CLYBL: variants seen among roughly 807,000 people sequenced by gnomAD.
The protein encoded by CLYBL is citramalyl-CoA lyase, also known as citramalyl-CoA lyase, mitochondrial.
A neutral mutation model predicts 38.9 loss-of-function variants in CLYBL; 31 were observed. That is an observed-to-expected ratio of 0.80 (90% CI 0.60 to 1.08). CLYBL has a LOEUF of 1.08. Ranked by LOEUF, CLYBL falls within the 50% of genes least tolerant of loss-of-function variation. The probability of loss-of-function intolerance (pLI) is 0.00; values close to 1 mark genes in which losing one functional copy is unlikely to be tolerated. For missense variants in CLYBL, 434 were observed against 411.6 expected (o/e 1.05, Z -0.47); for synonymous variants, 171 against 158.6 (o/e 1.08, Z -0.59).
At chr13:99,652,670 G>A (rs549240116) in intron 1 of CLYBL, among the ~76,000 whole-genome samples, 5 of 152,224 alleles carry the variant, frequency 3.3e-5, no homozygotes, top group South Asian at 2.1e-4. Flanking sequence ...GATGAGGTGC[G>A]AAAGGGTCCC....
In CLYBL at chr13:99,608,131, G is replaced by A. The variant is rs567755603; in HGVS notation, c.62+1374G>A. Among the ~76,000 whole-genome samples the A allele has an allele frequency of 2.7e-5, 4 of 145,762 alleles. No individual in the cohort carries two copies. The South Asian group carries it at 6.7e-4, about 24-fold the overall frequency. The stretch of plus-strand genomic sequence containing the variant: ...TTGTCGCCCAGGCTGGAGTGCAATG[G>A]CGCCATCTCAGCTGACTGCAACCTC... On this transcript the variant is annotated intron_variant, in intron 1 of 8. Coordinates refer to ENST00000339105, the MANE Select transcript of CLYBL (RefSeq NM_206808.5).
intron 6 of CLYBL, among the ~76,000 whole-genome samples, chr13:99,868,630 T>G (rs1165340870): frequency 4.6e-5 from 7 of 152,232 alleles, no homozygotes; most frequent in Non-Finnish European, 1.0e-4. Context: ...AAGTTAGCTG[T>G]AGTTTCTTTT....
intron 1 of CLYBL, among the ~76,000 whole-genome samples, chr13:99,630,914 G>C (rs2046934463): frequency 6.6e-6 from 1 of 152,220 alleles, no homozygotes; most frequent in Non-Finnish European, 1.5e-5. Flanking sequence ...CTAAGGGATG[G>C]AGCAGGAGCC....
At chr13:99,692,251 G>A (rs2047914239) in intron 1 of CLYBL, among the ~76,000 whole-genome samples, 2 of 151,302 alleles carry the variant, frequency 1.3e-5, no homozygotes, top group South Asian at 4.2e-4. Context: ...TTGAGACATA[G>A]TTCAGCTCTC....
intron 1 of CLYBL, among the ~76,000 whole-genome samples, chr13:99,729,909 T>C (rs2048551747): frequency 6.6e-6 from 1 of 151,898 alleles, no homozygotes; most frequent in South Asian, 2.1e-4. Context: ...CCACCATTGG[T>C]ACTGTGTCAG....
At chr13:99,610,968 A>G (rs1015820115) in intron 1 of CLYBL, among the ~76,000 whole-genome samples, 25 of 152,226 alleles carry the variant, frequency 1.6e-4, no homozygotes, top group Non-Finnish European at 3.7e-4. Context: ...GGTCAATTAA[A>G]GACAGTTTTA....
At chr13:99,606,833 C>A (rs373915054) in intron 1 of CLYBL, 76 bp downstream of exon 1, 3 of 1,300,924 alleles carry the variant, frequency 2.3e-6, no homozygotes, top group East Asian at 6.3e-5. Context: ...CCCCGCGGGC[C>A]GGGCGCGGCC....
chr13:99,649,750 A>C (rs1037963821), intron 1 of CLYBL, among the ~76,000 whole-genome samples: 1 of 152,106 alleles, frequency 6.6e-6, no homozygotes, highest in Non-Finnish European at 1.5e-5. Context: ...CTGTAGTCCC[A>C]GCTACTCAGG....
At chr13:99,873,994 T>C (rs1233943182) in intron 7 of CLYBL, among the ~76,000 whole-genome samples, 1 of 152,250 alleles carries the variant, frequency 6.6e-6, no homozygotes. Flanking sequence ...CATCTGTCCC[T>C]GTTTGGCAGG....
intron 4 of CLYBL, among the ~76,000 whole-genome samples, chr13:99,864,142 C>G (rs923186990): frequency 6.6e-6 from 1 of 152,242 alleles, no homozygotes; most frequent in Non-Finnish European, 1.5e-5. Context: ...CCATAATGTA[C>G]TTAGAAGCAC....
rs4001024 is a variant in CLYBL, at chr13:99,716,169, A to ATTTTTTTTTTTTTTTTT, written c.63-56633_63-56617dup. On this transcript the variant is annotated intron_variant, in intron 1 of 8. Transcript: ENST00000339105. ...AAATTGTCCTTGCTTTATTGGTGTA[A>ATTTTTTTTTTTTTTTTT]TTTTTTTTTTTTTTTTTTTTTTTTT... 9.6e-4 allele frequency among the ~76,000 whole-genome samples: 32 copies of ATTTTTTTTTTTTTTTTT among 33,462 alleles called. 10 individuals are homozygous for ATTTTTTTTTTTTTTTTT. Among genetic ancestry groups the ATTTTTTTTTTTTTTTTT allele is most frequent in the East Asian group, 1.8e-3 (2 of 1,122 alleles). The allele number at this position is 33,462 out of a possible 152,430, so 22.0% of individuals were successfully genotyped here. A position where few individuals can be genotyped will look rare whatever the true frequency, so the allele number is the denominator to read the frequency against.
downstream of CLYBL, chr13:99,893,079 C>T (rs1299260455): frequency 6.6e-6 from 1 of 152,326 alleles, no homozygotes; most frequent in East Asian, 1.9e-4. Flanking sequence ...ATGGCACATG[C>T]TCCGTGGGGT....
At chr13:99,732,683 T>C (rs1373119110) in intron 1 of CLYBL, among the ~76,000 whole-genome samples, 2 of 152,176 alleles carry the variant, frequency 1.3e-5, no homozygotes, top group Non-Finnish European at 2.9e-5. Flanking sequence ...TCTTGACAGC[T>C]TAAAAATTGA....
downstream of CLYBL, chr13:99,895,286 C>T (rs1030289679): frequency 2.0e-5 from 3 of 152,188 alleles, no homozygotes; most frequent in Non-Finnish European, 2.9e-5. Flanking sequence ...TTTATGATTT[C>T]GGTTTACCTT....
chr13:99,697,526 C>T (rs1438481490), intron 1 of CLYBL, among the ~76,000 whole-genome samples: 3 of 152,090 alleles, frequency 2.0e-5, no homozygotes, highest in African/African-American at 7.2e-5. Flanking sequence ...TGCCACCACA[C>T]CCAGCTAATT....
At chr13:99,733,715 C>T (rs569554203) in intron 1 of CLYBL, among the ~76,000 whole-genome samples, 3 of 152,332 alleles carry the variant, frequency 2.0e-5, no homozygotes, top group Non-Finnish European at 4.4e-5. Context: ...TTCTGAACAA[C>T]TGGAATTAAT....
chr13:99,773,298 C>T (rs7336903), intron 2 of CLYBL, among the ~76,000 whole-genome samples: 22,153 of 152,060 alleles, frequency 0.15, 2,012 homozygotes, highest in East Asian at 0.38. Flanking sequence ...TGATGTTTGC[C>T]GGTCTAGGTA....
intron 2 of CLYBL, among the ~76,000 whole-genome samples, chr13:99,808,120 C>G (rs969402641): frequency 5.9e-5 from 9 of 152,268 alleles, no homozygotes; most frequent in African/African-American, 2.2e-4. Context: ...GGGTCTCACT[C>G]TGTCACCCAG....
intron 2 of CLYBL, among the ~76,000 whole-genome samples, chr13:99,829,026 C>T (rs903418859): frequency 2.6e-5 from 4 of 152,206 alleles, no homozygotes; most frequent in Admixed American, 6.5e-5. Flanking sequence ...TGCTGCATCC[C>T]CACATGCCAA....
Sources: gnomAD v4.1 joint callset for allele counts (sites outside exome capture counted in the v4.1 genomes callset) on GRCh38, gnomAD v4.1.1 for gene constraint, MANE v1.5 for transcripts, NCBI Gene and HGNC (gene_info 2026-07-23, HGNC 2026-07-21) for gene names.